Variants in CSMD1 observed in about 807,000 individuals in gnomAD.
CSMD1 encodes CUB and sushi domain-containing protein 1.
A neutral mutation model predicts 417.5 loss-of-function variants in CSMD1; 213 were observed. The observed-to-expected ratio is 0.51, with a 90% CI of 0.46 to 0.57. The LOEUF (loss-of-function observed/expected upper bound fraction) is 0.57. CSMD1 is among the 20% of genes least tolerant of loss of function. CSMD1 has a pLI of 0.00. For synonymous variants in CSMD1, 2,862 were observed against 1,736.8 expected (o/e 1.65, Z -16.11); for missense variants, 6,923 against 4,529.7 (o/e 1.53, Z -15.17).
Position 4,676,620 on chromosome 8 carries a change from C to A in CSMD1, c.86-39062G>T, listed in dbSNP as rs567179795. Among the ~76,000 whole-genome samples, 3 of 152,244 alleles carry A rather than the reference C, an allele frequency of 2.0e-5. No homozygotes were observed. The South Asian group carries it at 6.2e-4, about 32-fold the overall frequency. ...GGACTTCTTATCTCCATTCTCCTTT[C>A]GCACCTGCAGCAATCTGTTTTCCAA... On this transcript the variant is annotated intron_variant, in intron 1 of 69. Transcript: ENST00000635120.
chr8:4,440,060 C>T (rs954034260), intron 2 of CSMD1, among the ~76,000 whole-genome samples: 10 of 152,102 alleles, frequency 6.6e-5, no homozygotes, highest in Non-Finnish European at 1.2e-4. Flanking sequence ...CAGTGATCAA[C>T]AGTTTAAAAC....
intron 10 of CSMD1, among the ~76,000 whole-genome samples, chr8:3,503,443 G>C (rs1018678138): frequency 1.3e-4 from 20 of 152,234 alleles, no homozygotes; most frequent in African/African-American, 4.1e-4. Flanking sequence ...GCAGTGAAAA[G>C]CGCAATTCCT....
intron 54 of CSMD1, among the ~76,000 whole-genome samples, chr8:2,991,284 G>T (rs1402541539): frequency 6.6e-6 from 1 of 152,084 alleles, no homozygotes; most frequent in Non-Finnish European, 1.5e-5. Flanking sequence ...AGAGCTTTTA[G>T]GTTATATACA....
intron 1 of CSMD1, among the ~76,000 whole-genome samples, chr8:4,773,055 T>C (rs997326339): frequency 7.9e-5 from 12 of 152,170 alleles, no homozygotes; most frequent in Admixed American, 2.0e-4. Flanking sequence ...TCTGAAATGT[T>C]TGCCACCAGA....
chr8:4,537,997 G>T (rs971618721), intron 2 of CSMD1, among the ~76,000 whole-genome samples: 1 of 152,088 alleles, frequency 6.6e-6, no homozygotes, highest in Non-Finnish European at 1.5e-5. Flanking sequence ...ACCATGCTCT[G>T]CGTCATGGTT....
intron 2 of CSMD1, among the ~76,000 whole-genome samples, chr8:4,621,961 T>G (rs1800419275): frequency 6.6e-6 from 1 of 151,946 alleles, no homozygotes; most frequent in Non-Finnish European, 1.5e-5. Flanking sequence ...CAAAATCATA[T>G]GAAAAAATTA....
intron 2 of CSMD1, among the ~76,000 whole-genome samples, chr8:4,478,699 C>T (rs991369559): frequency 1.3e-5 from 2 of 152,154 alleles, no homozygotes; most frequent in Admixed American, 6.5e-5. Flanking sequence ...TAACTGGTTA[C>T]TTGTAAAGCT....
At chr8:4,471,133 CAACAG>C (rs945836657) in intron 2 of CSMD1, among the ~76,000 whole-genome samples, 1 of 152,098 alleles carries the variant, frequency 6.6e-6, no homozygotes, top group African/African-American at 2.4e-5. Context: ...AATTATCCTT[CAACAG>C]AACAGAACCA....
At chr8:4,383,939 C>T (rs928818024) in intron 3 of CSMD1, among the ~76,000 whole-genome samples, 5 of 152,072 alleles carry the variant, frequency 3.3e-5, no homozygotes, top group South Asian at 2.1e-4. Context: ...AAGAAAAATG[C>T]GTTCTCTTTT....
intron 1 of CSMD1, among the ~76,000 whole-genome samples, chr8:4,650,189 CA>C (rs1355752113): frequency 1.3e-5 from 2 of 151,438 alleles, no homozygotes; most frequent in Non-Finnish European, 2.9e-5. Flanking sequence ...AATAAAAATC[CA>C]AAAAATTAGC....
intron 5 of CSMD1, among the ~76,000 whole-genome samples, chr8:3,859,116 T>G (rs979770074): frequency 6.6e-6 from 1 of 152,188 alleles, no homozygotes; most frequent in Non-Finnish European, 1.5e-5. Flanking sequence ...AAGCTCTGAG[T>G]ACTATGATTC....
chr8:4,006,490 G>C (rs1266378771), intron 4 of CSMD1, among the ~76,000 whole-genome samples: 1 of 152,176 alleles, frequency 6.6e-6, no homozygotes. Context: ...GTTGCAGTGA[G>C]CCAAGATCAC....
chr8:3,911,205 T>C (rs575320571), intron 5 of CSMD1, among the ~76,000 whole-genome samples: 1 of 152,354 alleles, frequency 6.6e-6, no homozygotes, highest in Admixed American at 6.5e-5. Flanking sequence ...GGACTAGATG[T>C]CAGCATCTCT....
At chr8:4,652,391 G>C (rs1355474262) in intron 1 of CSMD1, among the ~76,000 whole-genome samples, 1 of 144,464 alleles carries the variant, frequency 6.9e-6, no homozygotes, top group Non-Finnish European at 1.5e-5. Flanking sequence ...CTGTTTTTTT[G>C]TCTGTTTCAT....
At chr8:3,661,565 C>T (rs931085803) in intron 7 of CSMD1, among the ~76,000 whole-genome samples, 5 of 151,620 alleles carry the variant, frequency 3.3e-5, no homozygotes, top group South Asian at 2.1e-4. Flanking sequence ...GGCACAATCT[C>T]GGCTCACGGA....
At chr8:3,884,330 T>G (rs60807131) in intron 5 of CSMD1, among the ~76,000 whole-genome samples, 4,872 of 152,306 alleles carry the variant, frequency 0.032, 155 homozygotes, top group African/African-American at 0.075. Context: ...ATATACAAAC[T>G]TGCATAAAGT....
chr8:4,257,072 C>T (rs532567881), intron 3 of CSMD1, among the ~76,000 whole-genome samples: 1 of 152,244 alleles, frequency 6.6e-6, no homozygotes, highest in African/African-American at 2.4e-5. Flanking sequence ...AATTGACAGT[C>T]TCTTCTTAGA....
chr8:4,132,287 T>A (rs867436902), intron 3 of CSMD1, among the ~76,000 whole-genome samples: 6 of 151,882 alleles, frequency 4.0e-5, no homozygotes, highest in African/African-American at 1.5e-4. Context: ...AGGTGATGTT[T>A]ATTCTCTGAA....
chr8:4,954,167 A>T (rs1338269466), intron 1 of CSMD1, among the ~76,000 whole-genome samples: 1 of 152,196 alleles, frequency 6.6e-6, no homozygotes, highest in Non-Finnish European at 1.5e-5. Context: ...ACTATTTGCC[A>T]TTTAGAAATA....
Sources: gnomAD v4.1 joint callset for allele counts (sites outside exome capture counted in the v4.1 genomes callset) on GRCh38, gnomAD v4.1.1 for gene constraint, MANE v1.5 for transcripts, NCBI Gene and HGNC (gene_info 2026-07-23, HGNC 2026-07-21) for gene names.